TGFBR3: variants seen among roughly 807,000 people sequenced by gnomAD.
TGFBR3 encodes transforming growth factor beta receptor type 3.
Under a neutral mutation model 87.9 loss-of-function variants are expected in TGFBR3, and 46 were observed. The observed-to-expected ratio is 0.52, with a 90% confidence interval of 0.41 to 0.67. The LOEUF is 0.67. Ranked by LOEUF, TGFBR3 falls within the 30% of genes least tolerant of loss-of-function variation. TGFBR3 has a pLI of 0.00. For synonymous variants in TGFBR3, 381 were observed against 391.6 expected (o/e 0.97, Z 0.32); for missense variants, 866 against 1,041.9 (o/e 0.83, Z 2.32).
chr1:91,769,071 T>C (rs1357573144), intron 3 of TGFBR3, among the ~76,000 whole-genome samples: 2 of 152,188 alleles, frequency 1.3e-5, no homozygotes, highest in East Asian at 3.9e-4. Context: ...CCCTAGGGCC[T>C]CGAGGATGTT....
chr1:91,769,370 C>A (rs1319695957), intron 3 of TGFBR3, among the ~76,000 whole-genome samples: 2 of 152,152 alleles, frequency 1.3e-5, no homozygotes, highest in African/African-American at 4.8e-5. Flanking sequence ...AAACATCAAG[C>A]TGCTGGCATC....
rs1288580494 is a variant in TGFBR3 at position 91,685,493 on chromosome 1, T to C, written c.2438-1636A>G. Among the ~76,000 whole-genome samples the C allele has an allele frequency of 2.6e-5, 4 of 152,018 alleles. No homozygotes were observed. In the East Asian group the frequency reaches 7.8e-4, roughly 30 times the overall value. ...ATGTGCCACCATGCCTGGCTAATTT[T>C]TTGTATTTTTAGTAGAGACACGATT... On this transcript the variant is annotated intron_variant, in intron 16 of 16. Coordinates refer to ENST00000212355, the MANE Select transcript of TGFBR3 (RefSeq NM_003243.5).
At chr1:91,860,874 G>C (rs1276701719) in intron 2 of TGFBR3, among the ~76,000 whole-genome samples, 1 of 138,134 alleles carries the variant, frequency 7.2e-6, no homozygotes, top group Non-Finnish European at 1.5e-5. Context: ...GGAGGTTGCA[G>C]TGAGCCGAGA....
intron 2 of TGFBR3, among the ~76,000 whole-genome samples, chr1:91,803,409 A>T (rs368010800): frequency 1.3e-5 from 2 of 152,252 alleles, no homozygotes; most frequent in African/African-American, 4.8e-5. Flanking sequence ...TGGAATGTGG[A>T]TGTAACAGGC....
chr1:91,819,254 G>C (rs925468815), intron 2 of TGFBR3, among the ~76,000 whole-genome samples: 1 of 152,170 alleles, frequency 6.6e-6, no homozygotes, highest in East Asian at 1.9e-4. Flanking sequence ...TGTAATCCCA[G>C]CTACCTAGGA....
At chr1:91,824,785 C>A (rs370543599) in intron 2 of TGFBR3, among the ~76,000 whole-genome samples, 110 of 152,210 alleles carry the variant, frequency 7.2e-4, no homozygotes, top group African/African-American at 2.4e-3. Flanking sequence ...GATGATGAAA[C>A]CCCATCTCTA....
chr1:91,738,245 A>G (rs1673030046), intron 4 of TGFBR3, among the ~76,000 whole-genome samples: 1 of 152,224 alleles, frequency 6.6e-6, no homozygotes, highest in South Asian at 2.1e-4. Flanking sequence ...TGAACACTGC[A>G]TGAAGCATCC....
At chr1:91,823,348 A>T (rs1676519762) in intron 2 of TGFBR3, among the ~76,000 whole-genome samples, 1 of 152,236 alleles carries the variant, frequency 6.6e-6, no homozygotes, top group Non-Finnish European at 1.5e-5. Flanking sequence ...AGTTACATAC[A>T]ACTCAGCAAT....
At chr1:91,823,938 T>G (rs931940943) in intron 2 of TGFBR3, among the ~76,000 whole-genome samples, 1 of 152,108 alleles carries the variant, frequency 6.6e-6, no homozygotes, top group African/African-American at 2.4e-5. Flanking sequence ...GGGACCAGCC[T>G]AGGCAACATA....
At chr1:91,726,545 CG>C (rs1184024487) in intron 7 of TGFBR3, among the ~76,000 whole-genome samples, 30 of 150,534 alleles carry the variant, frequency 2.0e-4, no homozygotes, top group African/African-American at 7.3e-4. Context: ...AAAAAACCCA[CG>C]GGAACCAGAA....
chr1:91,861,035 T>C (rs1254650628), intron 2 of TGFBR3, among the ~76,000 whole-genome samples: 1 of 146,424 alleles, frequency 6.8e-6, no homozygotes, highest in Non-Finnish European at 1.5e-5. Context: ...GAGTGTCACC[T>C]CAATCTAGAA....
At chr1:91,881,871 C>G (rs1334780255) in intron 1 of TGFBR3, among the ~76,000 whole-genome samples, 1 of 151,756 alleles carries the variant, frequency 6.6e-6, no homozygotes, top group East Asian at 2.0e-4. Context: ...AGCCCCGTCT[C>G]TACGAAAAAT....
At chr1:91,869,280 TCA>T (rs1027240350) in intron 1 of TGFBR3, among the ~76,000 whole-genome samples, 4 of 152,170 alleles carry the variant, frequency 2.6e-5, no homozygotes, top group African/African-American at 9.7e-5. Flanking sequence ...GCAAGGCGGA[TCA>T]CAGTCTACCT....
At chr1:91,741,354 G>C (rs1336781472) in intron 4 of TGFBR3, among the ~76,000 whole-genome samples, 3 of 152,150 alleles carry the variant, frequency 2.0e-5, no homozygotes, top group Non-Finnish European at 4.4e-5. Flanking sequence ...GGGAAGGGGT[G>C]AGGAGCTTCT....
rs557341271 is a variant in TGFBR3, at chr1:91,882,018, G to A, written c.-114+3860C>T. 7.8e-4 allele frequency among the ~76,000 whole-genome samples: 115 copies of A among 148,250 alleles called. 1 individual carries two copies. Among genetic ancestry groups the A allele is most frequent in the African/African-American group, 2.7e-3 (109 of 40,222 alleles). ...CACTCCACTGCACTCCAGCCTGGACGACAGAGCGAAACTTTGTCTCAAAAA... is the reference window on the plus strand; with the variant it reads ...CACTCCACTGCACTCCAGCCTGGACAACAGAGCGAAACTTTGTCTCAAAAA... On this transcript the variant is annotated intron_variant, in intron 1 of 16. Transcript: ENST00000212355.
chr1:91,902,279 G>T (rs1337682714), intron 1 of TGFBR3, among the ~76,000 whole-genome samples: 154 of 134,920 alleles, frequency 1.1e-3, no homozygotes, highest in African/African-American at 4.1e-3. Context: ...TTTTGTGTGT[G>T]TGTGTGTGTG....
rs753945219 is a variant in TGFBR3 at position 91,758,621 on chromosome 1, G to A, written c.376C>T (p.Leu126=). The change falls in exon 4 of 17, where the codon CTG becomes TTG. Residue 126 remains leucine (L), a synonymous_variant. Coordinates refer to ENST00000212355, the MANE Select transcript of TGFBR3 (RefSeq NM_003243.5). The part of the protein sequence containing the change: ...TERLATGVSR[L]FLVSEGSVVQ... ...GAGGTTTAAGCACTTACCAAAAACA[G>A]TCTGGAGACCCCAGTGGCAAGTCTC... The A allele has an allele frequency of 1.2e-6, 2 of 1,613,982 alleles. No individual in the cohort carries two copies. The highest frequency in any genetic ancestry group is 1.7e-5 in the Admixed American group (1 of 60,024).
intron 2 of TGFBR3, among the ~76,000 whole-genome samples, chr1:91,805,451 C>T (rs1675792191): frequency 6.6e-6 from 1 of 152,234 alleles, no homozygotes. Flanking sequence ...GCCACCAGCA[C>T]AGAGGCACAG....
At chr1:91,859,663 C>T (rs963505644) in intron 2 of TGFBR3, among the ~76,000 whole-genome samples, 6 of 152,060 alleles carry the variant, frequency 3.9e-5, no homozygotes, top group African/African-American at 1.2e-4. Flanking sequence ...AAGTGGCTCA[C>T]GCCTGTAATC....
Sources: allele counts gnomAD v4.1 joint callset (sites outside exome capture counted in the v4.1 genomes callset), GRCh38; gene constraint gnomAD v4.1.1; transcripts MANE v1.5; gene names NCBI Gene and HGNC (gene_info 2026-07-23, HGNC 2026-07-21).